CHL1: variants seen among roughly 807,000 people sequenced by gnomAD.
CHL1 encodes the protein neural cell adhesion molecule L1-like protein.
CHL1 carries 96 observed loss-of-function variants against 141.9 expected under a neutral mutation model. That is an observed-to-expected ratio of 0.68 (90% CI 0.57 to 0.80). The LOEUF is 0.80. Among genes scored for constraint, CHL1 ranks in the 30% least tolerant of loss-of-function variants. CHL1 has a pLI of 0.00. For missense variants in CHL1, 1,820 were observed against 1,457.2 expected (o/e 1.25, Z -4.05); for synonymous variants, 613 against 502.2 (o/e 1.22, Z -2.95).
intron 19 of CHL1, chr3:384,683 A>G (rs1707461998): frequency 6.6e-6 from 1 of 152,202 alleles, no homozygotes; most frequent in Non-Finnish European, 1.5e-5. Context: ...CCTAAAAGGA[A>G]ATTATCATTC....
intron 1 of CHL1, among the ~76,000 whole-genome samples, chr3:206,736 C>CT (rs1699478242): frequency 6.6e-6 from 1 of 152,176 alleles, no homozygotes; most frequent in Non-Finnish European, 1.5e-5. Context: ...GTCTAATGGT[C>CT]TGACTCTTCC....
chr3:355,781 G>C (rs9820702), intron 11 of CHL1, among the ~76,000 whole-genome samples: 2,097 of 152,204 alleles, frequency 0.014, 48 homozygotes, highest in African/African-American at 0.048. Context: ...GAAAAAAAAT[G>C]TGGCCAGCTG....
chr3:220,135 C>T (rs1021652072), intron 1 of CHL1, among the ~76,000 whole-genome samples: 2 of 152,126 alleles, frequency 1.3e-5, no homozygotes, highest in African/African-American at 4.8e-5. Flanking sequence ...GCAATAGAAT[C>T]ATTGTTTTTA....
chr3:198,419 G>A (rs571002286), intron 1 of CHL1, among the ~76,000 whole-genome samples: 28 of 152,066 alleles, frequency 1.8e-4, no homozygotes, highest in Non-Finnish European at 3.8e-4. Flanking sequence ...GTAACTGGTG[G>A]GCCCCCCGGG....
chr3:307,393 A>G (rs1699336388), intron 2 of CHL1, among the ~76,000 whole-genome samples: 1 of 152,192 alleles, frequency 6.6e-6, no homozygotes, highest in African/African-American at 2.4e-5. Flanking sequence ...CAGCTGTTAA[A>G]CCTTTGAGGC....
chr3:274,566 G>A (rs1275131820), intron 2 of CHL1, among the ~76,000 whole-genome samples: 5 of 152,174 alleles, frequency 3.3e-5, no homozygotes, highest in African/African-American at 1.2e-4. Context: ...AGAACAGTCT[G>A]GCACAGTTAC....
intron 14 of CHL1, among the ~76,000 whole-genome samples, chr3:365,634 T>C (rs1039453759): frequency 3.3e-5 from 5 of 152,260 alleles, no homozygotes; most frequent in Admixed American, 3.3e-4. Context: ...CCAGAAGCAC[T>C]TGAAGGAGAA....
In CHL1 at chr3:361,586, T is replaced by C. The variant is rs371433305; in HGVS notation, c.1307-113T>C. The C allele has an allele frequency of 3.3e-5, 23 of 691,184 alleles. 1 individual carries two copies. The highest frequency in any genetic ancestry group is 2.8e-4 in the East Asian group (11 of 39,902). The allele number at this position is 691,184 out of a possible 1,614,324, so 42.8% of individuals were successfully genotyped here. ...CTTCTATAATTCAAAACAGACACCA[T>C]AATATTCTGCTGTTTTCTGTTTGTA... is the stretch of plus-strand genomic sequence containing the variant. On this transcript the variant is annotated intron_variant, in intron 12 of 27. Coordinates refer to ENST00000256509, the MANE Select transcript of CHL1 (RefSeq NM_006614.4).
chr3:316,097 TGG>T (rs2125014976), intron 2 of CHL1, among the ~76,000 whole-genome samples: 1 of 152,166 alleles, frequency 6.6e-6, no homozygotes, highest in Admixed American at 6.5e-5. Flanking sequence ...CTTATGTGAA[TGG>T]GCTTTCCAGT....
intron 2 of CHL1, among the ~76,000 whole-genome samples, chr3:262,980 C>A (rs557342123): frequency 6.6e-6 from 1 of 152,258 alleles, no homozygotes; most frequent in African/African-American, 2.4e-5. Context: ...TTCCTAATGA[C>A]CTTGTTTAGC....
chr3:398,472 TA>T, intron 25 of CHL1, 87 bp downstream of exon 25: 1 of 681,770 alleles, frequency 1.5e-6, no homozygotes, highest in Non-Finnish European at 2.4e-6. Flanking sequence ...ATATTAAACA[TA>T]AAAACACTGA....
At chr3:337,221 T>G (rs7372245) in intron 5 of CHL1, among the ~76,000 whole-genome samples, 101,058 of 138,784 alleles carry the variant, frequency 0.73, 36,944 homozygotes, top group Middle Eastern at 0.79. Flanking sequence ...GACGGGGTCT[T>G]GCTCTGTCGC....
chr3:355,645 A>G (rs1703645652), intron 11 of CHL1, among the ~76,000 whole-genome samples: 1 of 152,082 alleles, frequency 6.6e-6, no homozygotes, highest in Non-Finnish European at 1.5e-5. Flanking sequence ...TGGATAACAG[A>G]CCTCGGGTCC....
At chr3:231,052 C>T (rs1701809400) in intron 1 of CHL1, among the ~76,000 whole-genome samples, 2 of 152,156 alleles carry the variant, frequency 1.3e-5, no homozygotes, top group Admixed American at 6.5e-5. Flanking sequence ...TTTCCTTTCA[C>T]ATTAAGTGGG....
intron 16 of CHL1, among the ~76,000 whole-genome samples, chr3:381,448 A>G (rs924551033): frequency 6.6e-6 from 1 of 152,150 alleles, no homozygotes; most frequent in Non-Finnish European, 1.5e-5. Flanking sequence ...TTAAGTCCCA[A>G]CCTCCCCAGT....
chr3:345,009 TAATAA>T (rs1702646842), intron 9 of CHL1, among the ~76,000 whole-genome samples: 1 of 152,034 alleles, frequency 6.6e-6, no homozygotes, highest in African/African-American at 2.4e-5. Context: ...AAATTAAAAT[TAATAA>T]AATAAAATAA....
intron 11 of CHL1, among the ~76,000 whole-genome samples, chr3:356,695 G>T (rs930639209): frequency 9.9e-5 from 15 of 152,280 alleles, no homozygotes; most frequent in African/African-American, 3.6e-4. Context: ...AAATAGCAGG[G>T]AAAGTGCTGT....
intron 2 of CHL1, among the ~76,000 whole-genome samples, chr3:263,574 A>G (rs1694913080): frequency 6.6e-6 from 1 of 152,182 alleles, no homozygotes; most frequent in Non-Finnish European, 1.5e-5. Flanking sequence ...TTCCATTTGC[A>G]TTTGTCACTG....
rs545193926 is a variant in CHL1 at position 319,663 on chromosome 3, T to A, written c.-94-20T>A. On this transcript the variant is annotated intron_variant, in intron 2 of 27. Coordinates refer to ENST00000256509, the MANE Select transcript of CHL1 (RefSeq NM_006614.4). ...TTTTAGAGTTTGTGAACTAACATGTTATTCTGTTTGTGTTTTTAGTTTCCA... is the reference window on the plus strand; with the variant it reads ...TTTTAGAGTTTGTGAACTAACATGTAATTCTGTTTGTGTTTTTAGTTTCCA... 295 of 635,142 alleles carry A rather than the reference T, an allele frequency of 4.6e-4. 5 individuals carry two copies. In the East Asian group the frequency reaches 5.4e-3, roughly 12 times the overall value. The allele number at this position is 635,142 out of a possible 1,614,324, so 39.3% of individuals were successfully genotyped here.
Sources: allele counts gnomAD v4.1 joint callset (sites outside exome capture counted in the v4.1 genomes callset), GRCh38; gene constraint gnomAD v4.1.1; transcripts MANE v1.5; gene names NCBI Gene and HGNC (gene_info 2026-07-23, HGNC 2026-07-21).